SEPTIN8: variants seen among roughly 807,000 people sequenced by gnomAD.
SEPTIN8 encodes the protein septin-8.
A neutral mutation model predicts 53.1 loss-of-function variants in SEPTIN8; 22 were observed. The ratio of observed to expected loss-of-function variants is 0.41; its 90% confidence interval spans 0.30 to 0.59. SEPTIN8 has a LOEUF of 0.59. Among genes scored for constraint, SEPTIN8 ranks in the 20% least tolerant of loss-of-function variants. SEPTIN8 has a pLI of 0.24. For missense variants in SEPTIN8, 536 were observed against 638.7 expected (o/e 0.84, Z 1.73); for synonymous variants, 228 against 248.4 (o/e 0.92, Z 0.77).
chr5:132,751,990 T>G lies in SEPTIN8; in HGVS notation c.*26A>C. 6.2e-7 allele frequency: 1 copy of G among 1,612,010 alleles called. No homozygotes were observed. Among genetic ancestry groups the G allele is most frequent in the Non-Finnish European group, 8.5e-7 (1 of 1,179,288 alleles). ...GTTCCATGCCCTGGTGGTCCTGAGC[T>G]GGCCCCATGTGTTGGAGCTGCTGCC... On this transcript the variant is annotated 3_prime_UTR_variant, in exon 10 of 10. Transcript: ENST00000378719.
At position 132,761,681 on chromosome 5, in the gene SEPTIN8, A is replaced by G; in HGVS notation, c.794-55T>C. The G allele has an allele frequency of 1.9e-6, 3 of 1,603,162 alleles. No individual in the cohort carries two copies. The highest frequency in any genetic ancestry group is 2.6e-6 in the Non-Finnish European group (3 of 1,173,896). ...GCAGGCATGCAGGCGGGCACACTCC[A>G]GAGTCAGGGTAGGCACGCAGGTGGG... On this transcript the variant is annotated intron_variant, in intron 6 of 9. Transcript: ENST00000378719. This position sits in a 1 kb window ranked among gnomAD's most constrained non-coding sequence, Gnocchi z 5.8.
intron 9 of SEPTIN8, chr5:132,758,295 G>A (rs755941164): frequency 1.7e-4 from 232 of 1,340,884 alleles, no homozygotes; most frequent in African/African-American, 3.4e-4. Flanking sequence ...TTGTCTTGAC[G>A]CTGGTGCCAA....
rs976973434 is a variant in SEPTIN8 at position 132,760,149 on chromosome 5, C to T, written c.1286+653G>A. ...GAACAGCTGTGTGGTGACCAGTCTC[C>T]AGGAGGCCAGTGTTGGCTGGCGCGA... On this transcript the variant is annotated intron_variant, in intron 9 of 9. Transcript: ENST00000378719. This position sits in a 1 kb window ranked among gnomAD's most constrained non-coding sequence, Gnocchi z 5.2. Among the ~76,000 whole-genome samples, 8 of 152,116 alleles carry T rather than the reference C, an allele frequency of 5.3e-5. No homozygotes were observed.
At position 132,769,623 on chromosome 5, in the gene SEPTIN8, T is replaced by G. The variant is rs563070101; in HGVS notation, c.31-4094A>C. Among the ~76,000 whole-genome samples the G allele has an allele frequency of 5.3e-5, 8 of 152,202 alleles. No individual in the cohort carries two copies. The East Asian group carries it at 1.5e-3, about 29-fold the overall frequency. On this transcript the variant is annotated intron_variant, in intron 1 of 9. Coordinates refer to ENST00000378719, the MANE Select transcript of SEPTIN8 (RefSeq NM_001098811.2). ...CACATCAGCCCTATGACATAGGCCG[T>G]AGCAGCCTCCCCATTGTCTAGATGA...
chr5:132,766,346 T>G (rs1038461595), intron 1 of SEPTIN8, among the ~76,000 whole-genome samples: 2 of 151,170 alleles, frequency 1.3e-5, no homozygotes, highest in Non-Finnish European at 3.0e-5. Flanking sequence ...TGTGGAGGCC[T>G]GGCCTTAGCA....
At chr5:132,769,998 T>TATATATATAC (rs1757030113) in intron 1 of SEPTIN8, among the ~76,000 whole-genome samples, 1 of 46,782 alleles carries the variant, frequency 2.1e-5, no homozygotes, top group Non-Finnish European at 4.1e-5. Context: ...TATATATATA[T>TATATATATAC]ATATATATAT....
Position 132,777,033 on chromosome 5 carries a change from C to T in SEPTIN8, c.30+75G>A, listed in dbSNP as rs1561779891. The T allele has an allele frequency of 2.0e-5, 19 of 966,672 alleles. No homozygotes were observed. Among genetic ancestry groups the T allele is most frequent in the Admixed American group, 9.8e-5 (2 of 20,366 alleles). The allele number at this position is 966,672 out of a possible 1,614,324, so 59.9% of individuals were successfully genotyped here. A position where few individuals can be genotyped will look rare whatever the true frequency, so the allele number is the denominator to read the frequency against. ...GAGGCGCTGACAGCCCGCTTCGCGC[C>T]CCCCGCCAGCTGCAGGGCGGCCCCT... On this transcript the variant is annotated intron_variant, in intron 1 of 9. Coordinates refer to ENST00000378719, the MANE Select transcript of SEPTIN8 (RefSeq NM_001098811.2). This position sits in a 1 kb window ranked among gnomAD's most constrained non-coding sequence, Gnocchi z 4.1.
upstream of SEPTIN8, chr5:132,777,877 C>T: frequency 3.0e-6 from 3 of 985,504 alleles, no homozygotes; most frequent in Non-Finnish European, 2.4e-6. This position sits in a 1 kb window ranked among gnomAD's most constrained non-coding sequence, Gnocchi z 4.1. Context: ...GCAGGATGCG[C>T]AGTTTAGGCT....
chr5:132,761,033 G>A lies in SEPTIN8; in HGVS notation c.1096-41C>T. On this transcript the variant is annotated intron_variant, in intron 8 of 9. Coordinates refer to ENST00000378719, the MANE Select transcript of SEPTIN8 (RefSeq NM_001098811.2). This position sits in a 1 kb window ranked among gnomAD's most constrained non-coding sequence, Gnocchi z 5.8. ...GGGCAGAAGATGCGGGGAGCAAGAG[G>A]AGGGCTTGAGCCTGGGCCAGGAAGG... is the stretch of plus-strand genomic sequence containing the variant. 1 of 1,591,622 alleles carries A rather than the reference G, an allele frequency of 6.3e-7. No individual in the cohort carries two copies. The highest frequency in any genetic ancestry group is 8.6e-7 in the Non-Finnish European group (1 of 1,168,016).
Position 132,764,375 on chromosome 5 carries a change from T to C in SEPTIN8, c.196A>G (p.Asn66Asp), listed in dbSNP as rs1185751788. The C allele has an allele frequency of 6.2e-7, 1 of 1,614,106 alleles. No homozygotes were observed. Among genetic ancestry groups the C allele is most frequent in the Non-Finnish European group, 8.5e-7 (1 of 1,179,974 alleles). ...GCTTCCTCAGTCTCGAAGGTCGTGTTGAAGAGTGTGTTCATCAGTGTGGAT... is the reference window on the plus strand; with the variant it reads ...GCTTCCTCAGTCTCGAAGGTCGTGTCGAAGAGTGTGTTCATCAGTGTGGAT... Reference protein sequence around the residue: ...GKSTLMNTLFNTTFETEEASH... With the variant: ...GKSTLMNTLFDTTFETEEASH... Residue 66 changes from asparagine (N) to aspartate (D), a missense_variant, in exon 3 of 10, where the codon AAC (asparagine) becomes GAC (aspartate). Asn to Asp is a conservative substitution (Grantham distance 23). This residue lies in a region of SEPTIN8 where 395 missense variants were observed against 451.8 expected (regional missense o/e 0.87). Transcript: ENST00000378719.
At chr5:132,758,519 G>A in intron 9 of SEPTIN8, 1 of 1,613,364 alleles carries the variant, frequency 6.2e-7, no homozygotes, top group South Asian at 1.1e-5. Flanking sequence ...CTCCGTCAGG[G>A]AATAGTGACA....
rs1755937012 is a variant in SEPTIN8 at position 132,761,424 on chromosome 5, G to C, written c.962+34C>G. 6.3e-7 allele frequency: 1 copy of C among 1,596,838 alleles called. No homozygotes were observed. The highest frequency in any genetic ancestry group is 8.5e-7 in the Non-Finnish European group (1 of 1,172,884). On this transcript the variant is annotated intron_variant, in intron 7 of 9. Coordinates refer to ENST00000378719, the MANE Select transcript of SEPTIN8 (RefSeq NM_001098811.2). This position sits in a 1 kb window ranked among gnomAD's most constrained non-coding sequence, Gnocchi z 5.8. ...CAGGGTGGTGTGTCTGGCCACAGCT[G>C]TGAAGACAGGCTCACTCTGGCTCAG...
rs940705801 is a variant in SEPTIN8 at position 132,758,622 on chromosome 5, G to A, written c.1286+2180C>T. On this transcript the variant is annotated intron_variant, in intron 9 of 9. Transcript: ENST00000378719. ...CATGGCTTTTACGTGTTTGCATAGA[G>A]AGGGGTGGCCCGCCAGGCCCGGGGC... 15 of 1,597,570 alleles carry A rather than the reference G, an allele frequency of 9.4e-6. No individual in the cohort carries two copies. The African/African-American group carries it at 9.4e-5, about 10-fold the overall frequency.
In SEPTIN8 at chr5:132,751,775, A is replaced by G; in HGVS notation, c.*241T>C. ...GACTTTTTTTTTTTTTTGGTCCCGG[A>G]GTGGAAGCTCAGCTTGGCCACAGGA... On this transcript the variant is annotated 3_prime_UTR_variant, in exon 10 of 10. Transcript: ENST00000378719. The G allele has an allele frequency of 3.2e-6, 2 of 626,638 alleles. No homozygotes were observed. Among genetic ancestry groups the G allele is most frequent in the South Asian group, 2.2e-5 (1 of 45,390 alleles). The allele number at this position is 626,638 out of a possible 1,614,324, so 38.8% of individuals were successfully genotyped here.
At position 132,761,198 on chromosome 5, in the gene SEPTIN8, T is replaced by C; in HGVS notation, c.1030A>G (p.Met344Val). Reference sequence around the variant, plus strand: ...ACTTTGTTGACAAACATCTGCCTCATCTCTTCCTCCTTCCTCTGCAGCTCA... The same window carrying C: ...ACTTTGTTGACAAACATCTGCCTCACCTCTTCCTCCTTCCTCTGCAGCTCA... ...LSELQRKEEE[M>V]RQMFVNKVKE... The change falls in exon 8 of 10, where the codon ATG becomes GTG. Residue 344 changes from methionine (M) to valine (V), a missense_variant. Around this residue, in one of 3 missense-constraint regions of SEPTIN8, gnomAD observed 8 missense variants for 29.5 expected, o/e 0.27. Coordinates refer to ENST00000378719, the MANE Select transcript of SEPTIN8 (RefSeq NM_001098811.2). The surrounding 1 kb of genome is among the most constrained non-coding windows in gnomAD (Gnocchi z 5.8). 6.2e-7 allele frequency: 1 copy of C among 1,614,198 alleles called. No individual in the cohort carries two copies. The highest frequency in any genetic ancestry group is 1.3e-5 in the African/African-American group (1 of 75,056).
At chr5:132,779,236 T>C (rs1299548567), upstream of SEPTIN8, among the ~76,000 whole-genome samples, 1 of 152,206 alleles carries the variant, frequency 6.6e-6, no homozygotes, top group Non-Finnish European at 1.5e-5. Context: ...AAAAGGTGAA[T>C]ATAACGATCA....
upstream of SEPTIN8, among the ~76,000 whole-genome samples, chr5:132,779,062 A>G (rs1467505773): frequency 6.6e-6 from 1 of 152,204 alleles, no homozygotes; most frequent in African/African-American, 2.4e-5. Context: ...ATGAGAAGGA[A>G]AAGCTCAGAG....
intron 9 of SEPTIN8, chr5:132,757,409 A>C (rs1755443838): frequency 1.0e-6 from 1 of 985,360 alleles, no homozygotes. Flanking sequence ...GGAAGGCAGG[A>C]GGAAGCCAGG....
chr5:132,764,892 G>C lies in SEPTIN8; in HGVS notation c.152-473C>G, dbSNP rs1476811242. ...ACATGGCTTTAGCTGGGGGAACTCA[G>C]GATGGGCTGCTTCCCGAAGGACACC... On this transcript the variant is annotated intron_variant, in intron 2 of 9. Coordinates refer to ENST00000378719, the MANE Select transcript of SEPTIN8 (RefSeq NM_001098811.2). 2.0e-5 allele frequency among the ~76,000 whole-genome samples: 3 copies of C among 152,094 alleles called. No homozygotes were observed. The South Asian group carries it at 6.2e-4, about 31-fold the overall frequency.
Sources: allele counts gnomAD v4.1 joint callset (sites outside exome capture counted in the v4.1 genomes callset), GRCh38; gene constraint gnomAD v4.1.1; regional missense constraint gnomAD v4.1.1; non-coding constraint Gnocchi (gnomAD v3.1); transcripts MANE v1.5; gene names NCBI Gene and HGNC (gene_info 2026-07-23, HGNC 2026-07-21).